Variants in SOAT1 observed in about 807,000 individuals in gnomAD.
The protein encoded by SOAT1 is acyl-coenzyme A:cholesterol acyltransferase 1.
In SOAT1, 55 loss-of-function variants were observed where a neutral mutation model predicts 69.5. The ratio of observed to expected loss-of-function variants is 0.79; its 90% CI spans 0.64 to 0.99. The LOEUF (loss-of-function observed/expected upper bound fraction) is 0.99, where lower values mean the gene tolerates loss of function less well. Ranked by LOEUF, SOAT1 falls within the 50% of genes least tolerant of loss-of-function variation. SOAT1 has a pLI of 0.00. For missense variants in SOAT1, 580 were observed against 669.3 expected, an observed-to-expected ratio of 0.87 and a Z score of 1.47; for synonymous variants, 231 against 224.7, an observed-to-expected ratio of 1.03 and a Z score of -0.25.
chr1:179,315,747 G>C (rs564973692), intron 2 of SOAT1, among the ~76,000 whole-genome samples: 165 of 152,288 alleles, frequency 1.1e-3, no homozygotes, highest in Non-Finnish European at 5.9e-4. Flanking sequence ...AATGATGGCT[G>C]TCGTGTTATT....
At chr1:179,330,149 C>G (rs1006539213) in intron 3 of SOAT1, among the ~76,000 whole-genome samples, 20 of 152,160 alleles carry the variant, frequency 1.3e-4, no homozygotes, top group African/African-American at 4.8e-4. Context: ...GCTGAGAACT[C>G]AGAGGCTAGG....
At position 179,351,301 on chromosome 1, in the gene SOAT1, G is replaced by A; in HGVS notation, c.1451-16G>A. 1.2e-6 allele frequency: 2 copies of A among 1,612,674 alleles called. No homozygotes were observed. The highest frequency in any genetic ancestry group is 1.7e-6 in the Non-Finnish European group (2 of 1,179,032). ...TCTGATAACTGTATATTTCTTTGTT[G>A]CCTTCCTATTTTTAGTGGCTTTCAA... On this transcript the variant is annotated splice_polypyrimidine_tract_variant and intron_variant, in intron 14 of 15. Transcript: ENST00000367619.
intron 3 of SOAT1, among the ~76,000 whole-genome samples, chr1:179,332,203 T>C (rs568605523): frequency 6.6e-6 from 1 of 152,346 alleles, no homozygotes; most frequent in East Asian, 1.9e-4. Context: ...AGAAGAGTTA[T>C]CTTTCTAAGA....
intron 9 of SOAT1, 85 bp from the exon 10 acceptor site, chr1:179,343,505 G>C: frequency 7.8e-7 from 1 of 1,274,498 alleles, no homozygotes; most frequent in Non-Finnish European, 1.1e-6. Flanking sequence ...CACCGCGCCT[G>C]ACCAAAAAAC....
At position 179,348,760 on chromosome 1, in the gene SOAT1, ATGTGTGTGTGTGTGTGTG is replaced by A. The variant is rs71111912; in HGVS notation, c.1216-46_1216-29del. 492 of 593,786 alleles carry A rather than the reference ATGTGTGTGTGTGTGTGTG, an allele frequency of 8.3e-4. 1 individual carries two copies. Among genetic ancestry groups the A allele is most frequent in the African/African-American group, 6.3e-3 (306 of 48,868 alleles). The allele number at this position is 593,786 out of a possible 1,614,324, so 36.8% of individuals were successfully genotyped here. On this transcript the variant is annotated intron_variant, in intron 12 of 15. Transcript: ENST00000367619. Reference sequence around the variant, plus strand: ...TCAGGGGGGTTTGCTTTCGGGTGGGATGTGTGTGTGTGTGTGTGTGTGTGTGTGTGTGTGTGTGTGTGT... The same window carrying A: ...TCAGGGGGGTTTGCTTTCGGGTGGGATGTGTGTGTGTGTGTGTGTGTGTGT...
At chr1:179,325,128 C>G (rs967528240) in intron 3 of SOAT1, among the ~76,000 whole-genome samples, 42 of 145,796 alleles carry the variant, frequency 2.9e-4, no homozygotes, top group African/African-American at 1.0e-3. Flanking sequence ...AACATCTATT[C>G]TTGCAAGTTT....
At chr1:179,302,373 G>A (rs1664860500) in intron 1 of SOAT1, among the ~76,000 whole-genome samples, 1 of 152,166 alleles carries the variant, frequency 6.6e-6, no homozygotes, top group African/African-American at 2.4e-5. Context: ...GGGAACTGGT[G>A]GGAGGTGATT....
At position 179,352,065 on chromosome 1, in the gene SOAT1, C is replaced by A. The variant is rs181155533; in HGVS notation, c.1596+603C>A. Among the ~76,000 whole-genome samples the A allele has an allele frequency of 1.5e-4, 23 of 151,788 alleles. No individual in the cohort carries two copies. The East Asian group carries it at 3.3e-3, about 22-fold the overall frequency. ...GCCATGTATGTCCCTACTACCACCA[C>A]CTAAAACATACCTTTTTTTTTTTTT... On this transcript the variant is annotated intron_variant, in intron 15 of 15. Coordinates refer to ENST00000367619, the MANE Select transcript of SOAT1 (RefSeq NM_003101.6).
At chr1:179,336,479 A>G (rs1219481837) in intron 4 of SOAT1, among the ~76,000 whole-genome samples, 1 of 151,566 alleles carries the variant, frequency 6.6e-6, no homozygotes, top group Non-Finnish European at 1.5e-5. Context: ...CCAAAAAAAA[A>G]AAAAAAAAAA....
chr1:179,328,776 G>A (rs1665870265), intron 3 of SOAT1, among the ~76,000 whole-genome samples: 2 of 152,090 alleles, frequency 1.3e-5, no homozygotes, highest in South Asian at 4.1e-4. Flanking sequence ...AGGCGCATTG[G>A]CTCATACCTG....
chr1:179,353,479 C>A, intron 15 of SOAT1, 106 bp from the exon 16 acceptor site: 1 of 953,980 alleles, frequency 1.0e-6, no homozygotes, highest in Non-Finnish European at 1.7e-6. Context: ...TGGTGGGAGG[C>A]ATTTTAGAGA....
chr1:179,323,084 G>T (rs1315791387), intron 2 of SOAT1, among the ~76,000 whole-genome samples: 1 of 107,456 alleles, frequency 9.3e-6, no homozygotes. Context: ...GTACTAGCTT[G>T]GCAATAAGTT....
At chr1:179,331,763 C>T (rs564375855) in intron 3 of SOAT1, among the ~76,000 whole-genome samples, 1 of 152,184 alleles carries the variant, frequency 6.6e-6, no homozygotes, top group African/African-American at 2.4e-5. Flanking sequence ...TATCAGGAGA[C>T]CTTTCTGAGG....
intron 15 of SOAT1, among the ~76,000 whole-genome samples, chr1:179,352,860 T>C (rs983373076): frequency 1.3e-5 from 2 of 151,894 alleles, no homozygotes; most frequent in Non-Finnish European, 2.9e-5. Context: ...CTGAAGTAAT[T>C]GCTCTTGACT....
chr1:179,335,236 G>A (rs1453619019), intron 3 of SOAT1, among the ~76,000 whole-genome samples: 3 of 151,808 alleles, frequency 2.0e-5, no homozygotes, highest in African/African-American at 7.3e-5. Context: ...GCACACCTGT[G>A]ATCCTAGCTA....
chr1:179,324,002 AC>A (rs1159060301), intron 3 of SOAT1, among the ~76,000 whole-genome samples: 1 of 152,224 alleles, frequency 6.6e-6, no homozygotes, highest in Non-Finnish European at 1.5e-5. Context: ...TTTTAAAAAA[AC>A]ATTATAATCC....
At chr1:179,317,638 T>TA (rs1483001549) in intron 2 of SOAT1, among the ~76,000 whole-genome samples, 2 of 136,854 alleles carry the variant, frequency 1.5e-5, no homozygotes, top group African/African-American at 5.0e-5. Flanking sequence ...TTCATCATCA[T>TA]AGGTTTTTTT....
At chr1:179,336,739 G>A (rs10913724) in intron 4 of SOAT1, among the ~76,000 whole-genome samples, 39,730 of 152,108 alleles carry the variant, frequency 0.26, 5,359 homozygotes, top group East Asian at 0.46. Context: ...GCTCACGCCT[G>A]TAATCCCAGC....
At chr1:179,303,427 A>C (rs763430185) in intron 2 of SOAT1, among the ~76,000 whole-genome samples, 1 of 152,232 alleles carries the variant, frequency 6.6e-6, no homozygotes, top group Non-Finnish European at 1.5e-5. Flanking sequence ...AATTGATGTC[A>C]TCTATTGCAT....
Sources: allele counts gnomAD v4.1 joint callset (sites outside exome capture counted in the v4.1 genomes callset), GRCh38; gene constraint gnomAD v4.1.1; transcripts MANE v1.5; gene names NCBI Gene and HGNC (gene_info 2026-07-23, HGNC 2026-07-21).